The following KHDRBS2 variants were observed in gnomAD, a reference collection of about 807,000 sequenced individuals.
The protein encoded by KHDRBS2 is KH RNA binding domain containing, signal transduction associated 2.
A neutral mutation model predicts 44.3 loss-of-function variants in KHDRBS2; 26 were observed. The ratio of observed to expected loss-of-function variants is 0.59; its 90% CI spans 0.43 to 0.81. The LOEUF is 0.81. Among genes scored for constraint, KHDRBS2 ranks in the 40% least tolerant of loss-of-function variants. KHDRBS2 has a pLI of 0.00. For missense variants in KHDRBS2, 476 were observed against 433.1 expected (o/e 1.10, Z -0.88); for synonymous variants, 194 against 151.1 (o/e 1.28, Z -2.08).
At chr6:61,673,438 A>T in the KHDRBS2 span, among the ~76,000 whole-genome samples, 2 of 151,382 alleles carry the variant, frequency 1.3e-5, no homozygotes, top group African/African-American at 4.8e-5. Flanking sequence ...ATTAGGCAGG[A>T]GAAGGAAATG....
chr6:61,924,518 CTT>C (rs1023611590), intron 4 of KHDRBS2, among the ~76,000 whole-genome samples: 34 of 152,048 alleles, frequency 2.2e-4, no homozygotes, highest in African/African-American at 7.2e-4. Flanking sequence ...GAATATTAAT[CTT>C]TAAACTGTGA....
chr6:62,033,845 AAGTTGGTTT>A (rs1290896981), intron 3 of KHDRBS2, among the ~76,000 whole-genome samples: 1 of 151,682 alleles, frequency 6.6e-6, no homozygotes, highest in Non-Finnish European at 1.5e-5. Flanking sequence ...ATGAAATAAG[AAGTTGGTTT>A]TTTGAAAAGT....
chr6:62,121,378 G>A (rs1584824190), intron 2 of KHDRBS2, among the ~76,000 whole-genome samples: 1 of 152,174 alleles, frequency 6.6e-6, no homozygotes, highest in South Asian at 2.1e-4. Context: ...ATCCCTGTTC[G>A]ACTCTCCTAT....
At chr6:61,900,665 C>T (rs1327459102) in intron 5 of KHDRBS2, among the ~76,000 whole-genome samples, 2 of 152,266 alleles carry the variant, frequency 1.3e-5, no homozygotes, top group African/African-American at 2.4e-5. Context: ...TTACCATCAG[C>T]CATGCAAGAA....
chr6:62,269,471 A>G (rs2150187375), intron 1 of KHDRBS2, among the ~76,000 whole-genome samples: 1 of 152,184 alleles, frequency 6.6e-6, no homozygotes, highest in South Asian at 2.1e-4. Context: ...GCCCCCCAAA[A>G]GCACATGAAA....
chr6:61,576,478 T>A, the KHDRBS2 span, among the ~76,000 whole-genome samples: 1 of 152,134 alleles, frequency 6.6e-6, no homozygotes, highest in African/African-American at 2.4e-5. Flanking sequence ...GGAGGAGTCT[T>A]TAGGCTTTTC....
At chr6:62,060,605 C>G (rs569668486) in intron 2 of KHDRBS2, among the ~76,000 whole-genome samples, 39 of 145,542 alleles carry the variant, frequency 2.7e-4, no homozygotes, top group Admixed American at 4.8e-4. Context: ...CTCTCTCTCT[C>G]TCTGTCTCTC....
At chr6:62,173,560 G>A (rs1820499215) in intron 2 of KHDRBS2, among the ~76,000 whole-genome samples, 1 of 151,318 alleles carries the variant, frequency 6.6e-6, no homozygotes, top group African/African-American at 2.4e-5. Flanking sequence ...CTCTAACTCA[G>A]TCTATGAGTC....
At chr6:62,259,729 C>T (rs1236076921) in intron 1 of KHDRBS2, among the ~76,000 whole-genome samples, 1 of 151,840 alleles carries the variant, frequency 6.6e-6, no homozygotes, top group Non-Finnish European at 1.5e-5. Flanking sequence ...TTCTGGACCA[C>T]AGAAAGGTAA....
chr6:61,978,710 C>T (rs1456668051), intron 3 of KHDRBS2, among the ~76,000 whole-genome samples: 4 of 151,984 alleles, frequency 2.6e-5, no homozygotes, highest in South Asian at 4.2e-4. Context: ...GGCTTATTTC[C>T]AAGTCTATGT....
chr6:62,101,937 C>T (rs1801993587), intron 2 of KHDRBS2, among the ~76,000 whole-genome samples: 1 of 152,124 alleles, frequency 6.6e-6, no homozygotes, highest in South Asian at 2.1e-4. Context: ...AATGCACAAA[C>T]AAGTATTACA....
chr6:61,578,487 C>T, the KHDRBS2 span, among the ~76,000 whole-genome samples: 1 of 152,088 alleles, frequency 6.6e-6, no homozygotes, highest in Non-Finnish European at 1.5e-5. Context: ...CTTCTTGTAT[C>T]TCCACAGCAG....
intron 1 of KHDRBS2, among the ~76,000 whole-genome samples, chr6:62,222,684 C>T (rs1387680161): frequency 6.6e-6 from 1 of 152,144 alleles, no homozygotes; most frequent in African/African-American, 2.4e-5. Flanking sequence ...AGTCAATTGG[C>T]CTTGGGTAAA....
At chr6:61,654,160 T>C in the KHDRBS2 span, among the ~76,000 whole-genome samples, 3 of 152,050 alleles carry the variant, frequency 2.0e-5, no homozygotes, top group African/African-American at 7.2e-5. Context: ...TCATTCTTTG[T>C]GAGTTACTAG....
chr6:61,800,407 G>A (rs1414560918), intron 6 of KHDRBS2, among the ~76,000 whole-genome samples: 3 of 152,018 alleles, frequency 2.0e-5, no homozygotes, highest in African/African-American at 7.2e-5. Context: ...CTGCATTTAT[G>A]TCTTGGTTCT....
At chr6:62,047,266 T>C (rs1166706412) in intron 3 of KHDRBS2, among the ~76,000 whole-genome samples, 1 of 151,890 alleles carries the variant, frequency 6.6e-6, no homozygotes, top group Non-Finnish European at 1.5e-5. Flanking sequence ...ACTGAGAAAA[T>C]TGCTAACACT....
chr6:62,074,504 T>C (rs1191580832), intron 2 of KHDRBS2, among the ~76,000 whole-genome samples: 1 of 151,876 alleles, frequency 6.6e-6, no homozygotes, highest in Non-Finnish European at 1.5e-5. Context: ...GGCTTTTGAG[T>C]GGCAAGCAGC....
At chr6:62,086,771 A>G (rs968938045) in intron 2 of KHDRBS2, among the ~76,000 whole-genome samples, 1 of 152,162 alleles carries the variant, frequency 6.6e-6, no homozygotes, top group African/African-American at 2.4e-5. Flanking sequence ...TGAACATGAG[A>G]GGAGTTTTTC....
chr6:62,258,912 A>C (rs1210668782), intron 1 of KHDRBS2, among the ~76,000 whole-genome samples: 1 of 152,030 alleles, frequency 6.6e-6, no homozygotes, highest in East Asian at 1.9e-4. Flanking sequence ...GAGCATACCC[A>C]GTGATGGTAC....
Sources: allele counts gnomAD v4.1 joint callset (sites outside exome capture counted in the v4.1 genomes callset), GRCh38; gene constraint gnomAD v4.1.1; transcripts MANE v1.5; gene names NCBI Gene and HGNC (gene_info 2026-07-23, HGNC 2026-07-21).